Variants in DCT observed in about 807,000 individuals in gnomAD.
DCT encodes the protein L-dopachrome tautomerase.
A neutral mutation model predicts 53.0 loss-of-function variants in DCT; 47 were observed. That is an observed-to-expected ratio of 0.89 (90% CI 0.70 to 1.13). The LOEUF is 1.13. DCT is among the 50% of genes most tolerant of loss of function. The pLI is 0.00. For missense variants in DCT, 669 were observed against 637.4 expected (o/e 1.05, Z -0.53); for synonymous variants, 244 against 237.0 (o/e 1.03, Z -0.27).
the DCT span, among the ~76,000 whole-genome samples, chr13:94,514,416 A>G: frequency 6.4e-4 from 98 of 152,306 alleles, 1 homozygote; most frequent in Admixed American, 1.2e-3. Context: ...TATACTGACC[A>G]TTGCAGAGTC....
chr13:94,468,504 A>G (rs1203573740), intron 2 of DCT: 1 of 416,208 alleles, frequency 2.4e-6, no homozygotes, highest in Non-Finnish European at 4.3e-6. Context: ...AAAAGTTTAC[A>G]CTTTGAACCA....
At chr13:94,523,592 T>C in the DCT span, among the ~76,000 whole-genome samples, 1 of 152,326 alleles carries the variant, frequency 6.6e-6, no homozygotes, top group African/African-American at 2.4e-5. Context: ...GACTTTGGGA[T>C]AGGTTTGCAT....
At chr13:94,486,842 T>C in the DCT span, among the ~76,000 whole-genome samples, 1 of 152,198 alleles carries the variant, frequency 6.6e-6, no homozygotes, top group South Asian at 2.1e-4. Flanking sequence ...GGATTCTTAT[T>C]TTATCCTTTT....
At chr13:94,448,152 C>T (rs1352223975) in intron 6 of DCT, among the ~76,000 whole-genome samples, 1 of 151,900 alleles carries the variant, frequency 6.6e-6, no homozygotes, top group Non-Finnish European at 1.5e-5. Flanking sequence ...GGCTGAGATG[C>T]GAGGATCATT....
chr13:94,482,956 A>C (rs1165922789), upstream of DCT, among the ~76,000 whole-genome samples: 1 of 152,130 alleles, frequency 6.6e-6, no homozygotes, highest in East Asian at 1.9e-4. Flanking sequence ...AACAGTTCTA[A>C]GGGTGAGGAA....
At chr13:94,528,455 T>C in the DCT span, among the ~76,000 whole-genome samples, 1 of 152,152 alleles carries the variant, frequency 6.6e-6, no homozygotes, top group Admixed American at 6.5e-5. Context: ...GCAGAAACCC[T>C]GCAAGCCAGA....
the DCT span, among the ~76,000 whole-genome samples, chr13:94,519,888 G>A: frequency 1.3e-5 from 2 of 152,158 alleles, no homozygotes; most frequent in African/African-American, 4.8e-5. Context: ...AGTTAACTAT[G>A]AGGGAGAACT....
At chr13:94,527,185 C>T in the DCT span, among the ~76,000 whole-genome samples, 1 of 152,228 alleles carries the variant, frequency 6.6e-6, no homozygotes, top group Non-Finnish European at 1.5e-5. Context: ...CTATGAATTC[C>T]ACCTCTAGGG....
At chr13:94,495,473 C>A in the DCT span, among the ~76,000 whole-genome samples, 1 of 152,136 alleles carries the variant, frequency 6.6e-6, no homozygotes, top group African/African-American at 2.4e-5. Flanking sequence ...CTTCTACTCC[C>A]AAAAGCAGAG....
At chr13:94,519,547 G>T in the DCT span, among the ~76,000 whole-genome samples, 1 of 152,166 alleles carries the variant, frequency 6.6e-6, no homozygotes, top group Non-Finnish European at 1.5e-5. Flanking sequence ...TTTAAAAGGG[G>T]TTATTTCAGC....
chr13:94,442,432 G>A (rs1045008051), intron 7 of DCT, among the ~76,000 whole-genome samples: 2 of 152,002 alleles, frequency 1.3e-5, no homozygotes, highest in African/African-American at 2.4e-5. Flanking sequence ...TCAGCCTCCC[G>A]AGTGGCTGAG....
chr13:94,474,835 T>C (rs970346530), intron 1 of DCT, among the ~76,000 whole-genome samples: 2 of 152,218 alleles, frequency 1.3e-5, no homozygotes, highest in Non-Finnish European at 1.5e-5. Context: ...TTTCTATGTG[T>C]TTCTACTTAT....
At position 94,479,598 on chromosome 13, in the gene DCT, C is replaced by A. The variant is rs1885351740; in HGVS notation, c.-343G>T. 9.6e-6 allele frequency: 2 copies of A among 209,072 alleles called. No individual in the cohort carries two copies. Among genetic ancestry groups the A allele is most frequent in the African/African-American group, 2.3e-5 (1 of 43,306 alleles). 13.0% of individuals were successfully genotyped at this position (209,072 alleles called of 1,614,324 possible). A position where few individuals can be genotyped will look rare whatever the true frequency, so the allele number is the denominator to read the frequency against. On this transcript the variant is annotated 5_prime_UTR_variant, in exon 1 of 8. Coordinates refer to ENST00000377028, the MANE Select transcript of DCT (RefSeq NM_001922.5). ...CTAATTGAGTTAATTTACAGAGCAC[C>A]CAGTCATACTACTTATTATGCTGGT...
chr13:94,548,764 T>G, the DCT span, among the ~76,000 whole-genome samples: 1 of 152,178 alleles, frequency 6.6e-6, no homozygotes, highest in Non-Finnish European at 1.5e-5. Flanking sequence ...GTCAAAGTTC[T>G]ATTTCACACT....
the DCT span, among the ~76,000 whole-genome samples, chr13:94,535,442 TG>T: frequency 6.6e-6 from 1 of 152,154 alleles, no homozygotes; most frequent in African/African-American, 2.4e-5. Context: ...CCCAGCCCAG[TG>T]GAATGAGGCT....
the DCT span, among the ~76,000 whole-genome samples, chr13:94,549,334 C>T: frequency 6.6e-6 from 1 of 152,240 alleles, no homozygotes; most frequent in Admixed American, 6.5e-5. Flanking sequence ...CACCAGCCCC[C>T]CAGGCGGCGC....
At chr13:94,446,354 T>C (rs1243946964) in intron 6 of DCT, among the ~76,000 whole-genome samples, 1 of 152,210 alleles carries the variant, frequency 6.6e-6, no homozygotes, top group Non-Finnish European at 1.5e-5. Flanking sequence ...AGAAGAATGA[T>C]GGAATTCGCA....
intron 5 of DCT, among the ~76,000 whole-genome samples, chr13:94,460,924 T>A (rs1428757657): frequency 3.9e-5 from 6 of 152,182 alleles, no homozygotes; most frequent in Non-Finnish European, 8.8e-5. Flanking sequence ...CTCTCTTAAC[T>A]GTGTTTAAAG....
the DCT span, among the ~76,000 whole-genome samples, chr13:94,496,529 C>T: frequency 6.6e-6 from 1 of 152,128 alleles, no homozygotes; most frequent in Non-Finnish European, 1.5e-5. Flanking sequence ...AACATTTTCA[C>T]TCATCTCAAA....
Sources: gnomAD v4.1 joint callset for allele counts (sites outside exome capture counted in the v4.1 genomes callset) on GRCh38, gnomAD v4.1.1 for gene constraint, MANE v1.5 for transcripts, NCBI Gene and HGNC (gene_info 2026-07-23, HGNC 2026-07-21) for gene names.